Variants in COBL observed in about 807,000 individuals in gnomAD.
COBL encodes the protein cordon-bleu WH2 repeat protein.
COBL carries 51 observed loss-of-function variants against 98.8 expected under a neutral mutation model. The observed-to-expected ratio is 0.52, with a 90% CI of 0.41 to 0.65. COBL has a LOEUF of 0.65. Ranked by LOEUF, COBL falls within the 30% of genes least tolerant of loss-of-function variation. COBL has a pLI of 0.00. For missense variants in COBL, 1,617 were observed against 1,617.5 expected (o/e 1.00, Z 0.01); for synonymous variants, 634 against 651.7 (o/e 0.97, Z 0.41).
chr7:51,089,421 G>C (rs558203489), intron 6 of COBL, among the ~76,000 whole-genome samples: 54 of 152,120 alleles, frequency 3.5e-4, no homozygotes, highest in South Asian at 3.5e-3. Context: ...AAGCTGAGGC[G>C]GGAGGATAAT....
chr7:51,017,299 C>A lies in COBL; in HGVS notation c.*252G>T. ...GTCCCATTAACCTGCCAACAAGAAT[C>A]GTTTATTAGCAACTTAAGATATTCA... On this transcript the variant is annotated 3_prime_UTR_variant, in exon 13 of 13. Transcript: ENST00000265136. The A allele has an allele frequency of 1.7e-6, 1 of 589,784 alleles. No individual in the cohort carries two copies. Among genetic ancestry groups the A allele is most frequent in the East Asian group, 2.8e-5 (1 of 36,074 alleles). The allele number at this position is 589,784 out of a possible 1,614,324, so 36.5% of individuals were successfully genotyped here.
chr7:51,110,421 C>T (rs1796717992), intron 6 of COBL, among the ~76,000 whole-genome samples: 1 of 152,156 alleles, frequency 6.6e-6, no homozygotes, highest in African/African-American at 2.4e-5. Flanking sequence ...CCATCCATGT[C>T]GCTGTAAATG....
intron 1 of COBL, among the ~76,000 whole-genome samples, chr7:51,263,768 G>A (rs1797930730): frequency 6.6e-6 from 1 of 152,188 alleles, no homozygotes; most frequent in African/African-American, 2.4e-5. Flanking sequence ...ATTGGATTGT[G>A]CTGCTGATAA....
intron 1 of COBL, among the ~76,000 whole-genome samples, chr7:51,248,054 G>T (rs1452461897): frequency 6.6e-6 from 1 of 152,058 alleles, no homozygotes; most frequent in Non-Finnish European, 1.5e-5. Context: ...TGGGAGAATT[G>T]TCTGAGTCAG....
rs1796533168 is a variant in COBL at position 51,108,600 on chromosome 7, A to T, written c.958-23296T>A. Among the ~76,000 whole-genome samples the T allele has an allele frequency of 2.6e-5, 4 of 152,164 alleles. 1 individual carries two copies. The highest frequency in any genetic ancestry group is 5.9e-5 in the Non-Finnish European group (4 of 68,024). ...CCTTCTGTTTGCTTTTCCCATCTGC[A>T]AATTCCAAACATGTATTCCCATCCT... On this transcript the variant is annotated intron_variant, in intron 6 of 12. Transcript: ENST00000265136.
intron 8 of COBL, chr7:51,033,559 C>T (rs1028457114): frequency 8.5e-5 from 13 of 152,216 alleles, no homozygotes; most frequent in Non-Finnish European, 1.8e-4. Context: ...ATAGCAAATA[C>T]CTTTGGACAA....
At chr7:51,033,854 C>T (rs1489537653) in intron 8 of COBL, 5 of 152,248 alleles carry the variant, frequency 3.3e-5, no homozygotes, top group Non-Finnish European at 7.3e-5. Flanking sequence ...TGGCTGTCAG[C>T]CTGAAACTGT....
chr7:51,305,333 C>G (rs1802360541), intron 1 of COBL, among the ~76,000 whole-genome samples: 1 of 152,178 alleles, frequency 6.6e-6, no homozygotes. Flanking sequence ...TTATCCCTGA[C>G]TGTAAGAATA....
At chr7:51,172,443 C>T (rs1175663516) in intron 5 of COBL, 4 of 1,284,494 alleles carry the variant, frequency 3.1e-6, no homozygotes, top group East Asian at 1.1e-4. Flanking sequence ...CCTGCTGGGG[C>T]ATTAGTACTC....
chr7:51,205,654 T>C (rs910644404), intron 2 of COBL, among the ~76,000 whole-genome samples: 1 of 150,716 alleles, frequency 6.6e-6, no homozygotes, highest in Non-Finnish European at 1.5e-5. Context: ...TTTGTTTTTT[T>C]TTTTTTTACA....
intron 4 of COBL, chr7:51,188,029 G>A: frequency 8.5e-7 from 1 of 1,180,588 alleles, no homozygotes; most frequent in South Asian, 4.3e-5. Context: ...CCCAGGCCTT[G>A]GCCCTCACAA....
At chr7:51,149,267 TCTC>T (rs1453993408) in intron 5 of COBL, among the ~76,000 whole-genome samples, 1 of 152,094 alleles carries the variant, frequency 6.6e-6, no homozygotes, top group East Asian at 1.9e-4. Flanking sequence ...GCACATCACT[TCTC>T]CTGAAAGGAC....
At chr7:51,284,061 G>T (rs895220174) in intron 1 of COBL, among the ~76,000 whole-genome samples, 1 of 149,716 alleles carries the variant, frequency 6.7e-6, no homozygotes, top group Admixed American at 6.7e-5. Flanking sequence ...CAAGGTGGGC[G>T]GATCACAAAG....
Position 51,029,128 on chromosome 7 carries a change from G to C in COBL, c.1968C>G (p.Asp656Glu), listed in dbSNP as rs202194588. 1.7e-4 allele frequency: 282 copies of C among 1,613,996 alleles called. No individual in the cohort carries two copies. The highest frequency in any genetic ancestry group is 2.3e-4 in the Non-Finnish European group (268 of 1,180,028). The change falls in exon 10 of 13, where the codon GAC (aspartate) becomes GAG (glutamate). Residue 656 changes from aspartate (D) to glutamate (E), a missense_variant. Asp to Glu is a conservative substitution (Grantham distance 45). This residue lies in a region of COBL where 1,304 missense variants were observed against 1,282.0 expected (regional missense o/e 1.02). Transcript: ENST00000265136. ...KVKDKVYGCA[D>E]GERTQATERV... The stretch of plus-strand genomic sequence containing the variant: ...TCTCTGTGGCTTGAGTCCTCTCCCC[G>C]TCAGCACAGCCATACACTTTGTCTT...
At chr7:51,105,813 A>C (rs1796210379) in intron 6 of COBL, among the ~76,000 whole-genome samples, 2 of 152,152 alleles carry the variant, frequency 1.3e-5, no homozygotes, top group South Asian at 4.2e-4. Context: ...CTGGGAAAAC[A>C]AGGCTTAAGT....
intron 1 of COBL, among the ~76,000 whole-genome samples, chr7:51,247,814 A>T (rs1230534633): frequency 6.6e-6 from 1 of 152,180 alleles, no homozygotes. Flanking sequence ...ATTCTACTTA[A>T]GTTAAAAATA....
chr7:51,144,580 C>T (rs1477861485), intron 5 of COBL, among the ~76,000 whole-genome samples: 1 of 152,210 alleles, frequency 6.6e-6, no homozygotes, highest in African/African-American at 2.4e-5. Context: ...CATTTTAAAG[C>T]ATACAATCCG....
At chr7:51,071,839 T>C (rs1792583394) in intron 7 of COBL, 1 of 152,182 alleles carries the variant, frequency 6.6e-6, no homozygotes, top group Non-Finnish European at 1.5e-5. Context: ...TACCTTTTCT[T>C]GTTTAGACTT....
chr7:51,306,184 G>A lies in COBL; in HGVS notation c.41+10409C>T, dbSNP rs201864736. Reference sequence around the variant, plus strand: ...GCACCATGAACCTAGAGGCGGCTTGGAAGTGCCACACACCAGGGCTATTTT... The same window carrying A: ...GCACCATGAACCTAGAGGCGGCTTGAAAGTGCCACACACCAGGGCTATTTT... On this transcript the variant is annotated intron_variant, in intron 1 of 12. Coordinates refer to ENST00000265136, the MANE Select transcript of COBL (RefSeq NM_015198.5). Among the ~76,000 whole-genome samples the A allele has an allele frequency of 1.4e-4, 21 of 152,270 alleles. No homozygotes were observed. The South Asian group carries it at 2.1e-3, about 15-fold the overall frequency.
Sources: gnomAD v4.1 joint callset for allele counts (sites outside exome capture counted in the v4.1 genomes callset) on GRCh38, gnomAD v4.1.1 for gene constraint, gnomAD v4.1.1 regional missense constraint, MANE v1.5 for transcripts, NCBI Gene and HGNC (gene_info 2026-07-23, HGNC 2026-07-21) for gene names.